MYBPC1: variants seen among roughly 807,000 people sequenced by gnomAD.
MYBPC1 encodes myosin-binding protein C, slow-type.
MYBPC1 carries 52 observed loss-of-function variants against 147.1 expected under a neutral mutation model. The ratio of observed to expected loss-of-function variants is 0.35; its 90% CI spans 0.28 to 0.45. The LOEUF is 0.45. Among genes scored for constraint, MYBPC1 ranks in the 20% least tolerant of loss-of-function variants. The pLI is 1.00. For missense variants in MYBPC1, 1,228 were observed against 1,440.3 expected (o/e 0.85, Z 2.39); for synonymous variants, 477 against 475.9 (o/e 1.00, Z -0.03).
At chr12:101,613,567 C>T (rs1375700260) in intron 1 of MYBPC1, among the ~76,000 whole-genome samples, 1 of 152,158 alleles carries the variant, frequency 6.6e-6, no homozygotes, top group Admixed American at 6.5e-5. Flanking sequence ...TCACTAATTC[C>T]CAATTCTGGG....
intron 1 of MYBPC1, among the ~76,000 whole-genome samples, chr12:101,604,757 C>T (rs1332303295): frequency 6.6e-6 from 1 of 152,136 alleles, no homozygotes; most frequent in Non-Finnish European, 1.5e-5. Context: ...AGCTTTCCTA[C>T]TTTATCCCTC....
At chr12:101,651,508 T>C (rs1894437388) in intron 16 of MYBPC1, 115 bp downstream of exon 16, 2 of 1,365,478 alleles carry the variant, frequency 1.5e-6, no homozygotes, top group Admixed American at 1.8e-5. Context: ...AGATCATCTA[T>C]TCCTGATTCT....
intron 3 of MYBPC1, among the ~76,000 whole-genome samples, chr12:101,626,286 C>T (rs1888595390): frequency 6.6e-6 from 1 of 152,044 alleles, no homozygotes; most frequent in Non-Finnish European, 1.5e-5. Flanking sequence ...TTCACAAATA[C>T]ATATGGGTAA....
At chr12:101,605,364 C>CA (rs1881751212) in intron 1 of MYBPC1, among the ~76,000 whole-genome samples, 1 of 152,120 alleles carries the variant, frequency 6.6e-6, no homozygotes, top group Non-Finnish European at 1.5e-5. Flanking sequence ...ATAACATGCA[C>CA]AAAATCTTTT....
chr12:101,659,396 CCT>C (rs1896140372), intron 18 of MYBPC1, among the ~76,000 whole-genome samples: 1 of 152,102 alleles, frequency 6.6e-6, no homozygotes, highest in Non-Finnish European at 1.5e-5. Flanking sequence ...TCTGCTACTT[CCT>C]ACCTGTGTGA....
At chr12:101,666,422 G>A in intron 22 of MYBPC1, 1 of 346,964 alleles carries the variant, frequency 2.9e-6, no homozygotes. Context: ...TTTCTTCAGG[G>A]TCTTGCTTTG....
At chr12:101,609,871 TG>T (rs1220740947) in intron 1 of MYBPC1, among the ~76,000 whole-genome samples, 1 of 152,252 alleles carries the variant, frequency 6.6e-6, no homozygotes, top group East Asian at 1.9e-4. Context: ...GTTGCAAGGA[TG>T]CTCCTGCCTA....
At chr12:101,614,323 T>TGAGA (rs1288757474) in intron 1 of MYBPC1, among the ~76,000 whole-genome samples, 173 bp from the exon 2 acceptor site, 1,516 of 151,574 alleles carry the variant, frequency 0.01, 26 homozygotes, top group African/African-American at 0.034. Context: ...TGTGTGTGTG[T>TGAGA]GTGAGAGAGA....
chr12:101,628,457 T>G (rs1889127792), intron 5 of MYBPC1, among the ~76,000 whole-genome samples: 4 of 152,218 alleles, frequency 2.6e-5, no homozygotes, highest in South Asian at 2.1e-4. Context: ...TTAACCTCAT[T>G]GTGAAAATGA....
intron 1 of MYBPC1, among the ~76,000 whole-genome samples, chr12:101,599,587 C>T (rs1463193228): frequency 2.6e-5 from 4 of 152,062 alleles, no homozygotes; most frequent in African/African-American, 9.7e-5. Context: ...ATTTCAAACA[C>T]CGAAATCAAT....
chr12:101,636,603 T>C (rs1375257226), intron 9 of MYBPC1, 69 bp from the exon 10 acceptor site: 14 of 1,275,146 alleles, frequency 1.1e-5, no homozygotes, highest in Admixed American at 1.7e-5. Context: ...ACATGTAGAG[T>C]GTTTGGGGGA....
chr12:101,693,553 C>A, the MYBPC1 span, among the ~76,000 whole-genome samples: 2 of 152,048 alleles, frequency 1.3e-5, no homozygotes, highest in Non-Finnish European at 2.9e-5. Flanking sequence ...CCAGCCTGGC[C>A]AACATGGCGA....
rs752347381 is a variant in MYBPC1, at chr12:101,675,379, G to A, written c.2897G>A (p.Gly966Glu). Residue 966 changes from glycine to glutamate, a missense_variant, in exon 26 of 32, where the codon GGA becomes GAA. Gly to Glu is a moderately conservative substitution (Grantham distance 98, BLOSUM62 -2). Transcript: ENST00000361466. ...ACATGGACTCCACCAAAGGATGATG[G>A]AAATGCTGCTATCACAGGCTATACC... ...ALTWTPPKDD[G>E]NAAITGYTIQ... 1.2e-6 allele frequency: 2 copies of A among 1,614,162 alleles called. No individual in the cohort carries two copies. Among genetic ancestry groups the A allele is most frequent in the Admixed American group, 3.3e-5 (2 of 60,016 alleles).
At chr12:101,660,031 CAA>C (rs1896257545) in intron 19 of MYBPC1, 200 bp downstream of exon 19, 6 of 642,670 alleles carry the variant, frequency 9.3e-6, no homozygotes, top group Non-Finnish European at 1.4e-5. Flanking sequence ...ATTAGCTCTC[CAA>C]AGTCATATTC....
At chr12:101,651,500 A>G in intron 16 of MYBPC1, 107 bp downstream of exon 16, 26 of 1,437,220 alleles carry the variant, frequency 1.8e-5, no homozygotes, top group Non-Finnish European at 2.5e-5. Context: ...CCATAGGGAG[A>G]TCATCTATTC....
downstream of MYBPC1, among the ~76,000 whole-genome samples, chr12:101,686,445 C>T (rs1290631011): frequency 6.6e-6 from 1 of 152,212 alleles, no homozygotes; most frequent in Non-Finnish European, 1.5e-5. Context: ...AGACCTATTA[C>T]AGAGTTAGGG....
chr12:101,639,367 A>G (rs1438290667), intron 10 of MYBPC1, among the ~76,000 whole-genome samples: 1 of 152,238 alleles, frequency 6.6e-6, no homozygotes, highest in African/African-American at 2.4e-5. Context: ...AGCCATGCAG[A>G]CAGGGTCATG....
intron 2 of MYBPC1, 98 bp from the exon 3 acceptor site, chr12:101,617,104 G>A (rs539052881): frequency 1.9e-5 from 20 of 1,071,858 alleles, no homozygotes; most frequent in Non-Finnish European, 2.3e-5. Flanking sequence ...CTGTTCTGCT[G>A]TCATTTATTT....
At chr12:101,626,064 G>A (rs1888514442) in intron 3 of MYBPC1, among the ~76,000 whole-genome samples, 1 of 111,960 alleles carries the variant, frequency 8.9e-6, no homozygotes, top group Non-Finnish European at 1.7e-5. Flanking sequence ...CTCCAGCCTG[G>A]GCAAAAAGAG....
Sources: gnomAD v4.1 joint callset for allele counts (sites outside exome capture counted in the v4.1 genomes callset) on GRCh38, gnomAD v4.1.1 for gene constraint, MANE v1.5 for transcripts, NCBI Gene and HGNC (gene_info 2026-07-23, HGNC 2026-07-21) for gene names.